OPCML: variants seen among roughly 807,000 people sequenced by gnomAD.
OPCML encodes the protein opioid-binding protein/cell adhesion molecule.
A neutral mutation model predicts 37.8 loss-of-function variants in OPCML; 13 were observed. That is an observed-to-expected ratio of 0.34 (90% CI 0.22 to 0.55). The LOEUF is 0.55. Ranked by LOEUF, OPCML falls within the 20% of genes least tolerant of loss-of-function variation. OPCML has a pLI of 0.91. For missense variants in OPCML, 341 were observed against 435.6 expected (o/e 0.78, Z 1.93); for synonymous variants, 176 against 168.8 (o/e 1.04, Z -0.33).
chr11:133,517,440 A>C (rs537909476), intron 1 of OPCML, among the ~76,000 whole-genome samples: 2 of 152,200 alleles, frequency 1.3e-5, no homozygotes, highest in Non-Finnish European at 2.9e-5. Flanking sequence ...TTAATAGTGG[A>C]AAGTGATCGT....
intron 4 of OPCML, among the ~76,000 whole-genome samples, chr11:132,498,644 G>A (rs1416314113): frequency 6.6e-6 from 1 of 152,180 alleles, no homozygotes. Flanking sequence ...CCTCTGTAGT[G>A]GAAGTTTGAA....
chr11:132,802,548 C>A (rs1249227688), intron 2 of OPCML, among the ~76,000 whole-genome samples: 2 of 152,310 alleles, frequency 1.3e-5, no homozygotes, highest in East Asian at 1.9e-4. Flanking sequence ...GTTACAACAT[C>A]TCTCCCTTTT....
intron 1 of OPCML, among the ~76,000 whole-genome samples, chr11:133,500,889 G>A (rs1360627870): frequency 6.6e-6 from 1 of 152,142 alleles, no homozygotes; most frequent in Non-Finnish European, 1.5e-5. Context: ...AGGAGTCTGA[G>A]TAGGGAGGAG....
chr11:133,441,640 T>C (rs1044377660), intron 1 of OPCML, among the ~76,000 whole-genome samples: 1 of 152,184 alleles, frequency 6.6e-6, no homozygotes, highest in Non-Finnish European at 1.5e-5. Flanking sequence ...AAAAGTCTTG[T>C]TTGGGGAAGT....
intron 1 of OPCML, among the ~76,000 whole-genome samples, chr11:133,434,956 A>G (rs1338313518): frequency 6.6e-6 from 1 of 151,468 alleles, no homozygotes; most frequent in African/African-American, 2.4e-5. Flanking sequence ...GGTCCACCAT[A>G]CATTCTGTAC....
intron 1 of OPCML, among the ~76,000 whole-genome samples, chr11:133,333,609 G>C (rs940634439): frequency 6.6e-6 from 1 of 152,160 alleles, no homozygotes; most frequent in Non-Finnish European, 1.5e-5. Flanking sequence ...AGACATCAAA[G>C]TCAATTGCAA....
At chr11:132,774,887 G>A (rs547368429) in intron 2 of OPCML, among the ~76,000 whole-genome samples, 26 of 152,234 alleles carry the variant, frequency 1.7e-4, no homozygotes, top group African/African-American at 5.8e-4. Flanking sequence ...TTTATTTGTT[G>A]TGTATATACC....
chr11:132,566,453 G>C (rs546839654), intron 3 of OPCML, among the ~76,000 whole-genome samples: 9 of 152,264 alleles, frequency 5.9e-5, no homozygotes, highest in African/African-American at 2.2e-4. Flanking sequence ...CATCTAGAGA[G>C]GTGGACAGCT....
At chr11:133,425,233 C>T (rs116638133) in intron 1 of OPCML, among the ~76,000 whole-genome samples, 339 of 152,312 alleles carry the variant, frequency 2.2e-3, no homozygotes, top group Middle Eastern at 0.01. Context: ...CTGCCTTAAA[C>T]GAGACCCCTC....
At chr11:132,615,550 C>T (rs1215435090) in intron 3 of OPCML, among the ~76,000 whole-genome samples, 1 of 151,958 alleles carries the variant, frequency 6.6e-6, no homozygotes, top group Admixed American at 6.6e-5. Context: ...TATAAAACTA[C>T]AGCATAACAA....
At chr11:132,758,618 T>C (rs1330696497) in intron 2 of OPCML, among the ~76,000 whole-genome samples, 1 of 152,210 alleles carries the variant, frequency 6.6e-6, no homozygotes, top group Non-Finnish European at 1.5e-5. Flanking sequence ...TATTGGTGTA[T>C]AGGAATGCTT....
chr11:132,846,295 C>A (rs777633404), intron 2 of OPCML, among the ~76,000 whole-genome samples: 5 of 152,188 alleles, frequency 3.3e-5, no homozygotes, highest in African/African-American at 4.8e-5. Flanking sequence ...CGCCCCCACT[C>A]GGGACTGCTA....
At chr11:133,254,782 G>A (rs35677130) in intron 1 of OPCML, among the ~76,000 whole-genome samples, 6,370 of 152,236 alleles carry the variant, frequency 0.042, 202 homozygotes, top group Non-Finnish European at 0.065. Flanking sequence ...GAGTGCACTG[G>A]AGATGTGGTA....
intron 1 of OPCML, among the ~76,000 whole-genome samples, chr11:133,236,367 A>C (rs2136399215): frequency 6.6e-6 from 1 of 152,260 alleles, no homozygotes; most frequent in Non-Finnish European, 1.5e-5. Context: ...TAAACTTATA[A>C]ATTGTTTATT....
chr11:132,480,399 T>A (rs2096175399), intron 4 of OPCML, among the ~76,000 whole-genome samples: 1 of 152,216 alleles, frequency 6.6e-6, no homozygotes, highest in African/African-American at 2.4e-5. Context: ...CTGATTGGTG[T>A]ACCTGAAAGT....
intron 2 of OPCML, among the ~76,000 whole-genome samples, chr11:132,942,725 G>C (rs1591832605): frequency 6.6e-6 from 1 of 152,196 alleles, no homozygotes; most frequent in African/African-American, 2.4e-5. Flanking sequence ...ATAAGATCCT[G>C]GACCAGCATA....
rs1012712059 is a variant in OPCML, at chr11:133,177,722, G to C, written c.62-234712C>G. On this transcript the variant is annotated intron_variant, in intron 1 of 7. Coordinates refer to ENST00000524381, the MANE Select transcript of OPCML (RefSeq NM_001012393.5). The surrounding 1 kb of genome is among the most constrained non-coding windows in gnomAD (Gnocchi z 5.0). ...AGTGGGTGGTACACTAAGGTCCACAGATTTTTCTAGCTGCTCGAGCAAATG... is the reference window on the plus strand; with the variant it reads ...AGTGGGTGGTACACTAAGGTCCACACATTTTTCTAGCTGCTCGAGCAAATG... Among the ~76,000 whole-genome samples, 4 of 152,184 alleles carry C rather than the reference G, an allele frequency of 2.6e-5. No individual in the cohort carries two copies. Among genetic ancestry groups the C allele is most frequent in the Non-Finnish European group, 5.9e-5 (4 of 68,042 alleles).
chr11:132,449,914 C>G (rs2096064368), intron 4 of OPCML, among the ~76,000 whole-genome samples: 1 of 152,202 alleles, frequency 6.6e-6, no homozygotes, highest in Admixed American at 6.5e-5. Flanking sequence ...TGCACTCTCC[C>G]CCAATCCTTG....
chr11:132,528,652 G>T (rs1416779196), intron 4 of OPCML, among the ~76,000 whole-genome samples: 1 of 152,162 alleles, frequency 6.6e-6, no homozygotes, highest in African/African-American at 2.4e-5. Context: ...TAAAAGTGCT[G>T]AAGCAAGGAG....
Sources: allele counts gnomAD v4.1 joint callset (sites outside exome capture counted in the v4.1 genomes callset), GRCh38; gene constraint gnomAD v4.1.1; non-coding constraint Gnocchi (gnomAD v3.1); transcripts MANE v1.5; gene names NCBI Gene and HGNC (gene_info 2026-07-23, HGNC 2026-07-21).